RORA: variants seen among roughly 807,000 people sequenced by gnomAD.
The protein encoded by RORA is nuclear receptor ROR-alpha.
A neutral mutation model predicts 69.5 loss-of-function variants in RORA; 7 were observed. That is an observed-to-expected ratio of 0.10 (90% CI 0.06 to 0.19). RORA has a LOEUF of 0.19. Ranked by LOEUF, RORA falls within the 10% of genes least tolerant of loss-of-function variation. The pLI, the probability that RORA is intolerant of heterozygous loss-of-function variation, is 1.00. For synonymous variants in RORA, 261 were observed against 240.8 expected (o/e 1.08, Z -0.78); for missense variants, 457 against 663.0 (o/e 0.69, Z 3.41).
chr15:60,548,728 C>T (rs1473499589), intron 2 of RORA, among the ~76,000 whole-genome samples: 22 of 152,200 alleles, frequency 1.4e-4, no homozygotes, highest in Admixed American at 1.4e-3. Flanking sequence ...ACCTCCACCT[C>T]CCAGGTTCAC....
rs1567011235 is a variant in RORA at position 61,147,764 on chromosome 15, C to T, written c.166+81289G>A. On this transcript the variant is annotated intron_variant, in intron 1 of 10. Coordinates refer to ENST00000335670, the MANE Select transcript of RORA (RefSeq NM_134261.3). This position sits in a 1 kb window ranked among gnomAD's most constrained non-coding sequence, Gnocchi z 4.1. The stretch of plus-strand genomic sequence containing the variant: ...GATGGTCAGTAGGCACGTGCGCACA[C>T]GCGTGTGTGTGTGTGTGTGTGTGTG... 3.0e-5 allele frequency among the ~76,000 whole-genome samples: 1 copy of T among 33,582 alleles called. No homozygotes were observed. 22.0% of individuals were successfully genotyped at this position (33,582 alleles called of 152,430 possible).
chr15:60,811,062 C>A (rs1189249991), intron 1 of RORA, among the ~76,000 whole-genome samples: 1 of 152,132 alleles, frequency 6.6e-6, no homozygotes, highest in Non-Finnish European at 1.5e-5. Context: ...AAAGAGAAAG[C>A]AGGGAGTCTT....
intron 1 of RORA, among the ~76,000 whole-genome samples, chr15:60,822,433 G>A (rs1294520709): frequency 2.6e-5 from 4 of 152,090 alleles, no homozygotes; most frequent in South Asian, 2.1e-4. Flanking sequence ...CAGTCCAACC[G>A]TCCATGATTT....
At chr15:60,545,496 G>A (rs904480560) in intron 2 of RORA, among the ~76,000 whole-genome samples, 1 of 152,202 alleles carries the variant, frequency 6.6e-6, no homozygotes, top group African/African-American at 2.4e-5. Flanking sequence ...TAGGCTAGAT[G>A]AGCTGATTAG....
chr15:61,187,449 G>A (rs1373397067), intron 1 of RORA, among the ~76,000 whole-genome samples: 1 of 152,198 alleles, frequency 6.6e-6, no homozygotes, highest in Non-Finnish European at 1.5e-5. Context: ...CAAGGAGGAA[G>A]AGCCTCCAGG....
chr15:61,117,216 C>T (rs2079058763), intron 1 of RORA, among the ~76,000 whole-genome samples: 1 of 141,116 alleles, frequency 7.1e-6, no homozygotes, highest in African/African-American at 2.7e-5. Context: ...CCTCAGCCAA[C>T]AAATCTGATT....
intron 1 of RORA, among the ~76,000 whole-genome samples, chr15:61,120,718 A>C (rs1241715394): frequency 6.6e-6 from 1 of 151,526 alleles, no homozygotes; most frequent in Non-Finnish European, 1.5e-5. Context: ...AAAAAAAAAA[A>C]ACATACCCTA....
intron 1 of RORA, among the ~76,000 whole-genome samples, chr15:60,775,455 T>C (rs2072151467): frequency 6.6e-6 from 1 of 152,234 alleles, no homozygotes; most frequent in Non-Finnish European, 1.5e-5. Flanking sequence ...AATTAACACG[T>C]TCCTTTTTCT....
At chr15:60,694,800 A>G (rs2070878860) in intron 1 of RORA, among the ~76,000 whole-genome samples, 1 of 152,234 alleles carries the variant, frequency 6.6e-6, no homozygotes, top group Non-Finnish European at 1.5e-5. Flanking sequence ...ATATGCAGCG[A>G]GGTCACTTTA....
At chr15:60,659,635 C>T (rs1364577142) in intron 2 of RORA, among the ~76,000 whole-genome samples, 1 of 152,158 alleles carries the variant, frequency 6.6e-6, no homozygotes, top group African/African-American at 2.4e-5. Flanking sequence ...ACTTGATATG[C>T]TTCATCCTTG....
intron 1 of RORA, among the ~76,000 whole-genome samples, chr15:61,119,094 C>T (rs952100099): frequency 8.0e-6 from 1 of 124,962 alleles, no homozygotes; most frequent in Non-Finnish European, 1.7e-5. Context: ...GGGGGGGGGG[C>T]GCCATGGAGC....
chr15:61,207,754 G>C (rs2079955317), intron 1 of RORA, among the ~76,000 whole-genome samples: 1 of 152,200 alleles, frequency 6.6e-6, no homozygotes, highest in African/African-American at 2.4e-5. Context: ...ACTAAGTTAG[G>C]TTAACAGCCA....
chr15:61,219,410 T>C (rs889858800), intron 1 of RORA, among the ~76,000 whole-genome samples: 5 of 152,012 alleles, frequency 3.3e-5, no homozygotes, highest in Admixed American at 6.5e-5. Context: ...CTGTCTCTAC[T>C]AAAAATACAA....
At chr15:61,029,553 G>A (rs1896030090) in intron 1 of RORA, among the ~76,000 whole-genome samples, 1 of 152,162 alleles carries the variant, frequency 6.6e-6, no homozygotes, top group Non-Finnish European at 1.5e-5. Flanking sequence ...GAAAGCTTAT[G>A]TGTAGGCCAG....
chr15:60,682,711 C>T (rs909119613), intron 1 of RORA, among the ~76,000 whole-genome samples: 2 of 152,174 alleles, frequency 1.3e-5, no homozygotes, highest in African/African-American at 4.8e-5. Flanking sequence ...GACTTTGGTC[C>T]CCACTACCGA....
intron 2 of RORA, among the ~76,000 whole-genome samples, chr15:60,591,497 C>G (rs1293878307): frequency 6.6e-6 from 1 of 152,232 alleles, no homozygotes; most frequent in African/African-American, 2.4e-5. Flanking sequence ...AGTCCTCCCT[C>G]CAACCAAATC....
intron 1 of RORA, among the ~76,000 whole-genome samples, chr15:60,901,607 GA>G (rs952029324): frequency 7.2e-5 from 11 of 152,016 alleles, no homozygotes; most frequent in African/African-American, 2.7e-4. Context: ...CTTGATTTCT[GA>G]AAAAAAGAAT....
intron 1 of RORA, among the ~76,000 whole-genome samples, chr15:60,870,388 A>C (rs1266270416): frequency 6.6e-6 from 1 of 152,226 alleles, no homozygotes; most frequent in Non-Finnish European, 1.5e-5. Flanking sequence ...TTAGAGGAGA[A>C]ATAATGTCTT....
intron 1 of RORA, among the ~76,000 whole-genome samples, chr15:61,064,746 T>C (rs1379073359): frequency 6.6e-6 from 1 of 152,110 alleles, no homozygotes; most frequent in African/African-American, 2.4e-5. Context: ...CCCCCAGTCA[T>C]TGGGAAGCAT....
Sources: gnomAD v4.1 joint callset for allele counts (sites outside exome capture counted in the v4.1 genomes callset) on GRCh38, gnomAD v4.1.1 for gene constraint, Gnocchi (gnomAD v3.1) non-coding constraint, MANE v1.5 for transcripts, NCBI Gene and HGNC (gene_info 2026-07-23, HGNC 2026-07-21) for gene names.